The following MEI4 variants were observed in gnomAD, a reference collection of about 807,000 sequenced individuals.
MEI4 encodes meiotic double-stranded break formation protein 4, also known as meiosis-specific protein MEI4.
A neutral mutation model predicts 31.4 loss-of-function variants in MEI4; 27 were observed. That is an observed-to-expected ratio of 0.86 (90% confidence interval 0.63 to 1.19). MEI4 has a LOEUF of 1.19. Among genes scored for constraint, MEI4 ranks in the 50% most tolerant of loss-of-function variants. The pLI is 0.00. For synonymous variants in MEI4, 122 were observed against 145.4 expected (o/e 0.84, Z 1.16); for missense variants, 329 against 398.9 (o/e 0.82, Z 1.49).
At chr6:77,859,382 C>T (rs1188960141) in intron 4 of MEI4, among the ~76,000 whole-genome samples, 1 of 152,068 alleles carries the variant, frequency 6.6e-6, no homozygotes, top group Non-Finnish European at 1.5e-5. Flanking sequence ...AGTAAATACT[C>T]AGTAACAGAT....
Position 77,916,460 on chromosome 6 carries a change from G to T in MEI4, c.901-6629G>T, listed in dbSNP as rs111703663. Reference sequence around the variant, plus strand: ...TTATTTTGGTTATATTAGGCACATGGTGTTGGTTAGTTTGGTTGATGTTGA... The same window carrying T: ...TTATTTTGGTTATATTAGGCACATGTTGTTGGTTAGTTTGGTTGATGTTGA... On this transcript the variant is annotated intron_variant, in intron 4 of 4. Coordinates refer to ENST00000684080, the MANE Select transcript of MEI4 (RefSeq NM_001322247.2). Among the ~76,000 whole-genome samples, 4 of 152,122 alleles carry T rather than the reference G, an allele frequency of 2.6e-5. No homozygotes were observed. The East Asian group carries it at 7.8e-4, about 29-fold the overall frequency.
At chr6:77,863,739 G>T (rs552397230) in intron 4 of MEI4, among the ~76,000 whole-genome samples, 3 of 152,210 alleles carry the variant, frequency 2.0e-5, no homozygotes, top group African/African-American at 7.2e-5. Context: ...ATGCCACAAA[G>T]ATACTCCTCG....
chr6:77,875,400 G>C (rs1771309702), intron 4 of MEI4, among the ~76,000 whole-genome samples: 1 of 152,190 alleles, frequency 6.6e-6, no homozygotes, highest in Admixed American at 6.5e-5. Flanking sequence ...ATGACTACAT[G>C]AATAGGTCAC....
chr6:77,864,619 T>C (rs137929936), intron 4 of MEI4, among the ~76,000 whole-genome samples: 42,647 of 151,946 alleles, frequency 0.28, 6,729 homozygotes, highest in South Asian at 0.38. Flanking sequence ...TAGACTCCCA[T>C]ACAATAATAA....
At chr6:77,763,349 C>A (rs9350725) in intron 3 of MEI4, among the ~76,000 whole-genome samples, 22,588 of 151,972 alleles carry the variant, frequency 0.15, 2,035 homozygotes, top group East Asian at 0.4. Context: ...AGTTCCCTGG[C>A]TCTGAGCCCA....
intron 4 of MEI4, among the ~76,000 whole-genome samples, chr6:77,916,835 T>A (rs1562038085): frequency 6.6e-6 from 1 of 151,846 alleles, no homozygotes; most frequent in African/African-American, 2.4e-5. Context: ...TAGTTACATA[T>A]GTATACATGT....
intron 2 of MEI4, among the ~76,000 whole-genome samples, chr6:77,727,556 CTG>C (rs961222207): frequency 1.4e-4 from 22 of 152,312 alleles, no homozygotes; most frequent in African/African-American, 5.1e-4. Context: ...ATAGTAATCA[CTG>C]TGATTTTCTG....
intron 2 of MEI4, among the ~76,000 whole-genome samples, chr6:77,749,254 C>T (rs146602939): frequency 6.6e-6 from 1 of 152,088 alleles, no homozygotes; most frequent in Admixed American, 6.6e-5. Flanking sequence ...GAGAAGAAAA[C>T]TGAACAGAGA....
chr6:77,688,818 T>G (rs1769105868), intron 1 of MEI4, among the ~76,000 whole-genome samples: 1 of 152,208 alleles, frequency 6.6e-6, no homozygotes, highest in East Asian at 1.9e-4. Flanking sequence ...AAACCATATG[T>G]CTGTCCTGTG....
chr6:77,736,805 A>C (rs182425242), intron 2 of MEI4, among the ~76,000 whole-genome samples: 1 of 152,210 alleles, frequency 6.6e-6, no homozygotes, highest in East Asian at 1.9e-4. Context: ...GTCCAGAGAA[A>C]GATACTAACG....
At chr6:77,855,834 G>T (rs1285594993) in intron 4 of MEI4, among the ~76,000 whole-genome samples, 1 of 152,014 alleles carries the variant, frequency 6.6e-6, no homozygotes, top group Non-Finnish European at 1.5e-5. Flanking sequence ...ATATTGCTAG[G>T]AGAATAGTAC....
chr6:77,861,261 G>C (rs1471027200), intron 4 of MEI4, among the ~76,000 whole-genome samples: 1 of 152,130 alleles, frequency 6.6e-6, no homozygotes, highest in Non-Finnish European at 1.5e-5. Context: ...TGTGATTTTT[G>C]CCATTGCTTT....
At chr6:77,893,842 T>C (rs575330989) in intron 4 of MEI4, among the ~76,000 whole-genome samples, 1 of 152,266 alleles carries the variant, frequency 6.6e-6, no homozygotes, top group African/African-American at 2.4e-5. Flanking sequence ...AATAGTTAAA[T>C]TGGGAAAACT....
chr6:77,772,047 TA>T (rs1350330282), intron 3 of MEI4, among the ~76,000 whole-genome samples: 6 of 151,694 alleles, frequency 4.0e-5, no homozygotes, highest in Non-Finnish European at 8.8e-5. Flanking sequence ...TAAAGTGAAA[TA>T]AAAAGATAAT....
chr6:77,753,243 T>A (rs1198108699), intron 2 of MEI4, among the ~76,000 whole-genome samples: 2 of 152,026 alleles, frequency 1.3e-5, no homozygotes, highest in Non-Finnish European at 2.9e-5. Flanking sequence ...AAAGCCAAAA[T>A]AGACAAATGG....
chr6:77,706,228 T>C (rs1338503899), intron 2 of MEI4, among the ~76,000 whole-genome samples: 1 of 152,140 alleles, frequency 6.6e-6, no homozygotes, highest in Non-Finnish European at 1.5e-5. Flanking sequence ...GAGCTGACCA[T>C]AGGGAAATTC....
chr6:77,752,639 C>T (rs1444003706), intron 2 of MEI4, among the ~76,000 whole-genome samples: 3 of 152,180 alleles, frequency 2.0e-5, no homozygotes, highest in Non-Finnish European at 4.4e-5. Flanking sequence ...ACTTTCCATG[C>T]TCATTGATAG....
intron 2 of MEI4, among the ~76,000 whole-genome samples, chr6:77,702,370 C>T (rs11758815): frequency 1.3e-5 from 2 of 152,144 alleles, no homozygotes; most frequent in Non-Finnish European, 2.9e-5. Flanking sequence ...TCTCAGTTCC[C>T]ATATAAGCTT....
At chr6:77,918,024 A>G (rs1460294761) in intron 4 of MEI4, among the ~76,000 whole-genome samples, 1 of 151,756 alleles carries the variant, frequency 6.6e-6, no homozygotes. Flanking sequence ...TTAAATAGGG[A>G]ATCCTTTCCC....
Sources: gnomAD v4.1 joint callset for allele counts (sites outside exome capture counted in the v4.1 genomes callset) on GRCh38, gnomAD v4.1.1 for gene constraint, MANE v1.5 for transcripts, NCBI Gene and HGNC (gene_info 2026-07-23, HGNC 2026-07-21) for gene names.